NKX2-3: variants seen among roughly 807,000 people sequenced by gnomAD.
The protein encoded by NKX2-3 is homeobox protein Nkx-2.3.
A neutral mutation model predicts 14.2 loss-of-function variants in NKX2-3; 3 were observed. The ratio of observed to expected loss-of-function variants is 0.21; its 90% CI spans 0.10 to 0.55. The LOEUF (loss-of-function observed/expected upper bound fraction) is 0.55, where lower values mean the gene tolerates loss of function less well. NKX2-3 is among the 20% of genes least tolerant of loss of function. NKX2-3 has a pLI of 0.94. For missense variants in NKX2-3, 511 were observed against 514.5 expected (o/e 0.99, Z 0.06); for synonymous variants, 276 against 234.2 (o/e 1.18, Z -1.63).
Position 99,535,977 on chromosome 10 carries a change from G to T in NKX2-3, c.*256G>T, listed in dbSNP as rs1018371419. 3 of 508,298 alleles carry T rather than the reference G, an allele frequency of 5.9e-6. No individual in the cohort carries two copies. In the African/African-American group the frequency reaches 6.2e-5, roughly 10 times the overall value. The allele number at this position is 508,298 out of a possible 1,614,324, so 31.5% of individuals were successfully genotyped here. A position where few individuals can be genotyped will look rare whatever the true frequency, so the allele number is the denominator to read the frequency against. On this transcript the variant is annotated 3_prime_UTR_variant, in exon 2 of 2. Coordinates refer to ENST00000344586, the MANE Select transcript of NKX2-3 (RefSeq NM_145285.3). Reference sequence around the variant, plus strand: ...GGGCGCCGGGGAGGACGATGGCCCCGACCCTGGCAGCGAGAGGAGACCAGG... The same window carrying T: ...GGGCGCCGGGGAGGACGATGGCCCCTACCCTGGCAGCGAGAGGAGACCAGG...
In NKX2-3 at chr10:99,535,611, A is replaced by T; in HGVS notation, c.985A>T (p.Ser329Cys). 1 of 1,518,806 alleles carries T rather than the reference A, an allele frequency of 6.6e-7. No homozygotes were observed. The highest frequency in any genetic ancestry group is 8.8e-7 in the Non-Finnish European group (1 of 1,137,674). 94.1% of individuals were successfully genotyped at this position (1,518,806 alleles called of 1,614,324 possible). A position where few individuals can be genotyped will look rare whatever the true frequency, so the allele number is the denominator to read the frequency against. Residue 329 changes from serine to cysteine, a missense_variant, in exon 2 of 2, where the codon AGC becomes TGC. Physicochemically the swap from Ser to Cys is moderately radical, Grantham distance 112. This residue lies in a region of NKX2-3 where 264 missense variants were observed against 254.7 expected (regional missense o/e 1.04). Transcript: ENST00000344586. ...AAGGGPFVNVSNLGGFGSGGS... is the reference protein window; with the variant it reads ...AAGGGPFVNVCNLGGFGSGGS... ...CGGAGGCGGCCCCTTTGTGAACGTGAGCAACCTAGGAGGCTTCGGCAGCGG... is the reference window on the plus strand; with the variant it reads ...CGGAGGCGGCCCCTTTGTGAACGTGTGCAACCTAGGAGGCTTCGGCAGCGG...
intron 1 of NKX2-3, among the ~76,000 whole-genome samples, chr10:99,533,766 C>G (rs886716083): frequency 6.6e-6 from 1 of 152,226 alleles, no homozygotes; most frequent in Non-Finnish European, 1.5e-5. Flanking sequence ...TGCTGAGAGG[C>G]GACGTGGGCT....
At position 99,535,557 on chromosome 10, in the gene NKX2-3, A is replaced by G. The variant is rs1023713153; in HGVS notation, c.931A>G (p.Thr311Ala). 120 of 1,434,552 alleles carry G rather than the reference A, an allele frequency of 8.4e-5. No individual in the cohort carries two copies. Among genetic ancestry groups the G allele is most frequent in the Non-Finnish European group, 1.1e-4 (117 of 1,101,834 alleles). The allele number at this position is 1,434,552 out of a possible 1,614,324, so 88.9% of individuals were successfully genotyped here. The change falls in exon 2 of 2, where the codon ACT becomes GCT. Residue 311 changes from threonine (T) to alanine (A), a missense_variant. Coordinates refer to ENST00000344586, the MANE Select transcript of NKX2-3 (RefSeq NM_145285.3). ...CGGCGGCGGGACCTCCGCGGCGACC[A>G]CTGCCATGCAGCCCGCCTGCAGCGC... ...GGGGGTSAATTAMQPACSAAG... is the reference protein window; with the variant it reads ...GGGGGTSAATAAMQPACSAAG...
At chr10:99,534,904 A>G in intron 1 of NKX2-3, 81 bp from the exon 2 acceptor site, 1 of 1,492,610 alleles carries the variant, frequency 6.7e-7, no homozygotes, top group South Asian at 1.3e-5. Flanking sequence ...GCAGCCACCA[A>G]AAAGGGTCAC....
chr10:99,535,907 C>G lies in NKX2-3; in HGVS notation c.*186C>G, dbSNP rs889237360. 1.5e-6 allele frequency: 1 copy of G among 685,314 alleles called. No individual in the cohort carries two copies. The highest frequency in any genetic ancestry group is 2.3e-6 in the Non-Finnish European group (1 of 435,382). The allele number at this position is 685,314 out of a possible 1,614,324, so 42.5% of individuals were successfully genotyped here. A position where few individuals can be genotyped will look rare whatever the true frequency, so the allele number is the denominator to read the frequency against. On this transcript the variant is annotated 3_prime_UTR_variant, in exon 2 of 2. Coordinates refer to ENST00000344586, the MANE Select transcript of NKX2-3 (RefSeq NM_145285.3). ...GGGGACTCAGGGGCGAGGAGGATGA[C>G]TGGGTCCGGTCGCCAGGACTGTCTC...
rs1181774848 is a variant in NKX2-3, at chr10:99,533,445, A to G, written c.314A>G (p.Lys105Arg). Residue 105 changes from lysine to arginine, a missense_variant, in exon 1 of 2, where the codon AAG becomes AGG. Coordinates refer to ENST00000344586, the MANE Select transcript of NKX2-3 (RefSeq NM_145285.3). ...TVLRDSCSEPKEHEEEPEVVR... is the reference protein window; with the variant it reads ...TVLRDSCSEPREHEEEPEVVR... ...CTGCGAGACTCGTGCAGCGAGCCCA[A>G]GGAACATGAAGAGGAGCCCGAGGTC... The G allele has an allele frequency of 1.3e-6, 2 of 1,591,806 alleles. No homozygotes were observed. The highest frequency in any genetic ancestry group is 3.6e-5 in the Admixed American group (2 of 55,162).
At position 99,535,766 on chromosome 10, in the gene NKX2-3, C is replaced by T; in HGVS notation, c.*45C>T. 1.3e-6 allele frequency: 2 copies of T among 1,505,184 alleles called. No homozygotes were observed. Among genetic ancestry groups the T allele is most frequent in the Non-Finnish European group, 1.8e-6 (2 of 1,134,768 alleles). 93.2% of individuals were successfully genotyped at this position (1,505,184 alleles called of 1,614,324 possible). On this transcript the variant is annotated 3_prime_UTR_variant, in exon 2 of 2. Coordinates refer to ENST00000344586, the MANE Select transcript of NKX2-3 (RefSeq NM_145285.3). Reference sequence around the variant, plus strand: ...GCGGGCACCCCAGCGCAGCCTGGCGCCGCGGGACTGAAGCTCGAGAAGGGC... The same window carrying T: ...GCGGGCACCCCAGCGCAGCCTGGCGTCGCGGGACTGAAGCTCGAGAAGGGC...
Position 99,535,818 on chromosome 10 carries a change from T to A in NKX2-3, c.*97T>A, listed in dbSNP as rs2033964046. 1 of 1,322,040 alleles carries A rather than the reference T, an allele frequency of 7.6e-7. No homozygotes were observed. Among genetic ancestry groups the A allele is most frequent in the East Asian group, 2.9e-5 (1 of 34,206 alleles). 81.9% of individuals were successfully genotyped at this position (1,322,040 alleles called of 1,614,324 possible). Reference sequence around the variant, plus strand: ...TGACCTAAAGGTCAGGTCCCCTCGTTAAAAAAATATGTACGTCTAGCTCCT... The same window carrying A: ...TGACCTAAAGGTCAGGTCCCCTCGTAAAAAAAATATGTACGTCTAGCTCCT... On this transcript the variant is annotated 3_prime_UTR_variant, in exon 2 of 2. Coordinates refer to ENST00000344586, the MANE Select transcript of NKX2-3 (RefSeq NM_145285.3).
chr10:99,535,858 G>T lies in NKX2-3; in HGVS notation c.*137G>T. The T allele has an allele frequency of 1.9e-6, 2 of 1,031,250 alleles. No homozygotes were observed. The highest frequency in any genetic ancestry group is 6.2e-5 in the East Asian group (2 of 32,020). 63.9% of individuals were successfully genotyped at this position (1,031,250 alleles called of 1,614,324 possible). A position where few individuals can be genotyped will look rare whatever the true frequency, so the allele number is the denominator to read the frequency against. On this transcript the variant is annotated 3_prime_UTR_variant, in exon 2 of 2. Coordinates refer to ENST00000344586, the MANE Select transcript of NKX2-3 (RefSeq NM_145285.3). Reference sequence around the variant, plus strand: ...GTCTAGCTCCTCAGGGCTTCGGATCGCAGCTCACTCGAGGCCTGGGGAAGG... The same window carrying T: ...GTCTAGCTCCTCAGGGCTTCGGATCTCAGCTCACTCGAGGCCTGGGGAAGG...
intron 1 of NKX2-3, 98 bp from the exon 2 acceptor site, chr10:99,534,887 G>T (rs1265148121): frequency 1.2e-5 from 17 of 1,419,662 alleles, no homozygotes; most frequent in African/African-American, 1.4e-5. Flanking sequence ...ACTACCGCAC[G>T]CTCTGCGCAG....
Position 99,533,413 on chromosome 10 carries a change from C to G in NKX2-3, c.282C>G (p.His94Gln), listed in dbSNP as rs777346568. ...DSGLCPQGYV[H>Q]TVLRDSCSEP... ...GGCTGTGTCCCCAGGGCTATGTCCA[C>G]ACGGTCCTGCGAGACTCGTGCAGCG... Residue 94 changes from histidine to glutamine, a missense_variant, in exon 1 of 2, where the codon CAC (histidine) becomes CAG (glutamine). Physicochemically the swap from His to Gln is conservative, Grantham distance 24. Coordinates refer to ENST00000344586, the MANE Select transcript of NKX2-3 (RefSeq NM_145285.3). 1.2e-6 allele frequency: 2 copies of G among 1,602,394 alleles called. No individual in the cohort carries two copies. Among genetic ancestry groups the G allele is most frequent in the Admixed American group, 1.8e-5 (1 of 57,068 alleles).
Position 99,533,467 on chromosome 10 carries a change from G to A in NKX2-3, c.336G>A (p.Glu112=). The A allele has an allele frequency of 6.3e-7, 1 of 1,582,982 alleles. No individual in the cohort carries two copies. Among genetic ancestry groups the A allele is most frequent in the Non-Finnish European group, 8.6e-7 (1 of 1,164,172 alleles). ...SEPKEHEEEP[E]VVRDRSQKSC... Reference sequence around the variant, plus strand: ...CCAAGGAACATGAAGAGGAGCCCGAGGTCGTGAGGGACCGGAGCCAAAGTG... The same window carrying A: ...CCAAGGAACATGAAGAGGAGCCCGAAGTCGTGAGGGACCGGAGCCAAAGTG... Residue 112 remains glutamate (E), a synonymous_variant, in exon 1 of 2, where the codon GAG becomes GAA. Coordinates refer to ENST00000344586, the MANE Select transcript of NKX2-3 (RefSeq NM_145285.3).
At position 99,533,112 on chromosome 10, in the gene NKX2-3, T is replaced by G; in HGVS notation, c.-20T>G. On this transcript the variant is annotated 5_prime_UTR_variant, in exon 1 of 2. Transcript: ENST00000344586. The stretch of plus-strand genomic sequence containing the variant: ...CCCCGCCGGGATTTATTATTTGGAC[T>G]GGACAATTAAGTGGCCCTGATGATG... 2 of 1,507,800 alleles carry G rather than the reference T, an allele frequency of 1.3e-6. No homozygotes were observed. The highest frequency in any genetic ancestry group is 1.8e-6 in the Non-Finnish European group (2 of 1,116,272). 93.4% of individuals were successfully genotyped at this position (1,507,800 alleles called of 1,614,324 possible).
Position 99,535,004 on chromosome 10 carries a change from G to A in NKX2-3, c.378G>A (p.Lys126=). 3.1e-6 allele frequency: 5 copies of A among 1,603,046 alleles called. No individual in the cohort carries two copies. In the South Asian group the frequency reaches 5.6e-5, roughly 18 times the overall value. Reference sequence around the variant, plus strand: ...CCGCAGAAAGCTGCCAGCTGAAGAAGTCTCTAGAGACGGCCGGAGACTGCA... The same window carrying A: ...CCGCAGAAAGCTGCCAGCTGAAGAAATCTCTAGAGACGGCCGGAGACTGCA... The part of the protein sequence containing the change: ...DRSQKSCQLK[K]SLETAGDCKA... Residue 126 remains lysine (K), a synonymous_variant, in exon 2 of 2, where the codon AAG becomes AAA. Transcript: ENST00000344586.
In NKX2-3 at chr10:99,535,703, G is replaced by A; in HGVS notation, c.1077G>A (p.Gln359=). The change falls in exon 2 of 2, where the codon CAG becomes CAA. Residue 359 remains glutamine (Q), a synonymous_variant. Coordinates refer to ENST00000344586, the MANE Select transcript of NKX2-3 (RefSeq NM_145285.3). ...AGAACAQGTL[Q]GIRAW Reference sequence around the variant, plus strand: ...CCGCGTGCGCTCAGGGCACCTTGCAGGGCATCCGGGCCTGGTAGGGACGGG... The same window carrying A: ...CCGCGTGCGCTCAGGGCACCTTGCAAGGCATCCGGGCCTGGTAGGGACGGG... The A allele has an allele frequency of 6.5e-7, 1 of 1,534,478 alleles. No individual in the cohort carries two copies. The highest frequency in any genetic ancestry group is 8.7e-7 in the Non-Finnish European group (1 of 1,145,492).
In NKX2-3 at chr10:99,535,919, G is replaced by T. The variant is rs1484558793; in HGVS notation, c.*198G>T. 2 of 634,938 alleles carry T rather than the reference G, an allele frequency of 3.1e-6. No homozygotes were observed. Among genetic ancestry groups the T allele is most frequent in the Non-Finnish European group, 5.1e-6 (2 of 391,398 alleles). 39.3% of individuals were successfully genotyped at this position (634,938 alleles called of 1,614,324 possible). The stretch of plus-strand genomic sequence containing the variant: ...GCGAGGAGGATGACTGGGTCCGGTC[G>T]CCAGGACTGTCTCTGAGGCAGAAAC... On this transcript the variant is annotated 3_prime_UTR_variant, in exon 2 of 2. Transcript: ENST00000344586.
chr10:99,536,005 G>T lies in NKX2-3; in HGVS notation c.*284G>T, dbSNP rs2033966949. 1 of 444,042 alleles carries T rather than the reference G, an allele frequency of 2.3e-6. No homozygotes were observed. Among genetic ancestry groups the T allele is most frequent in the Non-Finnish European group, 4.0e-6 (1 of 250,442 alleles). The allele number at this position is 444,042 out of a possible 1,614,324, so 27.5% of individuals were successfully genotyped here. On this transcript the variant is annotated 3_prime_UTR_variant, in exon 2 of 2. Coordinates refer to ENST00000344586, the MANE Select transcript of NKX2-3 (RefSeq NM_145285.3). ...CCTGGCAGCGAGAGGAGACCAGGAG[G>T]CTAGGACCCTGGCCGCGCTTGGTTC...
Position 99,535,586 on chromosome 10 carries a change from C to G in NKX2-3, c.960C>G (p.Ala320=). 22 of 1,503,554 alleles carry G rather than the reference C, an allele frequency of 1.5e-5. No homozygotes were observed. The highest frequency in any genetic ancestry group is 2.8e-5 in the East Asian group (1 of 35,674). 93.1% of individuals were successfully genotyped at this position (1,503,554 alleles called of 1,614,324 possible). The change falls in exon 2 of 2, where the codon GCC becomes GCG. Residue 320 remains alanine, a synonymous_variant. Transcript: ENST00000344586. ...CCATGCAGCCCGCCTGCAGCGCGGC[C>G]GGAGGCGGCCCCTTTGTGAACGTGA... is the stretch of plus-strand genomic sequence containing the variant. ...TTAMQPACSA[A]GGGPFVNVSN...
In NKX2-3 at chr10:99,535,433, C is replaced by T. The variant is rs1261952971; in HGVS notation, c.807C>T (p.Asn269=). The T allele has an allele frequency of 3.3e-5, 46 of 1,385,714 alleles. 1 individual carries two copies. The Admixed American group carries it at 1.3e-3, about 38-fold the overall frequency. The allele number at this position is 1,385,714 out of a possible 1,614,324, so 85.8% of individuals were successfully genotyped here. A position where few individuals can be genotyped will look rare whatever the true frequency, so the allele number is the denominator to read the frequency against. The stretch of plus-strand genomic sequence containing the variant: ...GCTTCCCCGCCTACGGCTATGGGAA[C>T]TCGGCCGCGGCCGCCGCCGCCGCCG... ...YNSFPAYGYG[N]SAAAAAAAAA... The change falls in exon 2 of 2, where the codon AAC becomes AAT. Residue 269 remains asparagine, a synonymous_variant. Transcript: ENST00000344586.
Sources: allele counts gnomAD v4.1 joint callset (sites outside exome capture counted in the v4.1 genomes callset), GRCh38; gene constraint gnomAD v4.1.1; regional missense constraint gnomAD v4.1.1; transcripts MANE v1.5; gene names NCBI Gene and HGNC (gene_info 2026-07-23, HGNC 2026-07-21).